RNF128: variants seen among roughly 807,000 people sequenced by gnomAD.
RNF128 encodes ring finger protein 128, also known as E3 ubiquitin-protein ligase RNF128.
A neutral mutation model predicts 26.2 loss-of-function variants in RNF128; 13 were observed. That is an observed-to-expected ratio of 0.50 (90% CI 0.32 to 0.79). The LOEUF (loss-of-function observed/expected upper bound fraction) is 0.79, where lower values mean the gene tolerates loss of function less well. Ranked by LOEUF, RNF128 falls within the 30% of genes least tolerant of loss-of-function variation. The pLI, the probability that RNF128 is intolerant of heterozygous loss-of-function variation, is 0.03. For synonymous variants in RNF128, 149 were observed against 142.5 expected, an observed-to-expected ratio of 1.05 and a Z score of -0.32; for missense variants, 315 against 349.7, an observed-to-expected ratio of 0.90 and a Z score of 0.79.
At chrX:106,768,245 G>A (rs1042318898) in intron 1 of RNF128, among the ~76,000 whole-genome samples, 2 of 111,896 alleles carry the variant, frequency 1.8e-5, no homozygotes, top group Non-Finnish European at 3.8e-5. Context: ...GAGTTAGGAA[G>A]GATTCCCTCT....
chrX:106,791,306 G>T, intron 6 of RNF128, 72 bp downstream of exon 6: 1 of 988,999 alleles, frequency 1.0e-6, no homozygotes, highest in Non-Finnish European at 1.4e-6. Flanking sequence ...TAGTACTCTT[G>T]CTTTTTAGCG....
intron 1 of RNF128, among the ~76,000 whole-genome samples, chrX:106,713,337 C>A (rs1929162450): frequency 9.2e-6 from 1 of 108,813 alleles, no homozygotes; most frequent in South Asian, 3.9e-4. Context: ...GGCGAAACCC[C>A]GTCTCTACTA....
chrX:106,781,525 T>TG (rs1333898885), intron 2 of RNF128, among the ~76,000 whole-genome samples: 1 of 111,328 alleles, frequency 9.0e-6, no homozygotes, highest in Non-Finnish European at 1.9e-5. Context: ...TTGGAACTCT[T>TG]GCTATCAGTG....
At chrX:106,767,434 T>C (rs747859158) in intron 1 of RNF128, among the ~76,000 whole-genome samples, 6 of 111,631 alleles carry the variant, frequency 5.4e-5, no homozygotes, top group Admixed American at 1.9e-4. Context: ...CTTCACATCC[T>C]TTTTAAGTTA....
chrX:106,723,099 C>T (rs1033893432), upstream of RNF128, among the ~76,000 whole-genome samples: 3 of 111,627 alleles, frequency 2.7e-5, no homozygotes, highest in African/African-American at 9.8e-5. Flanking sequence ...TATAAATTCA[C>T]AATTTTAAAC....
At chrX:106,741,254 A>G (rs1929697308) in intron 1 of RNF128, among the ~76,000 whole-genome samples, 1 of 111,664 alleles carries the variant, frequency 9.0e-6, no homozygotes, top group Non-Finnish European at 1.9e-5. Context: ...TAGAGACTCA[A>G]CCTGTTCTGG....
chrX:106,750,550 AATCCAGTGCAT>A, intron 1 of RNF128, among the ~76,000 whole-genome samples: 1 of 111,631 alleles, frequency 9.0e-6, no homozygotes, highest in Non-Finnish European at 1.9e-5. Context: ...CAACCTCAGA[AATCCAGTGCAT>A]AGCCAGGATT....
chrX:106,791,205 C>A lies in RNF128; in HGVS notation c.1124C>A (p.Pro375Gln), dbSNP rs61760879. ...GYASVQGTDE[P>Q]PLEEHVQSTN... ...GCTTCAGTACAGGGAACAGATGAACCGCCTCTGGAGGAACACGTGCAGTCA... is the reference window on the plus strand; with the variant it reads ...GCTTCAGTACAGGGAACAGATGAACAGCCTCTGGAGGAACACGTGCAGTCA... Residue 375 changes from proline to glutamine, a missense_variant, in exon 6 of 7, where the codon CCG (proline) becomes CAG (glutamine). Coordinates refer to ENST00000255499, the MANE Select transcript of RNF128 (RefSeq NM_194463.2). 9.9e-6 allele frequency: 12 copies of A among 1,206,629 alleles called. No individual in the cohort carries two copies. In the African/African-American group the frequency reaches 1.8e-4, roughly 18 times the overall value.
chrX:106,753,254 C>G (rs914626456), intron 1 of RNF128, among the ~76,000 whole-genome samples: 1 of 111,262 alleles, frequency 9.0e-6, no homozygotes, highest in Non-Finnish European at 1.9e-5. Flanking sequence ...GTTTTGAAGA[C>G]ATAGACAGTA....
At chrX:106,788,649 T>C (rs1930736354) in intron 4 of RNF128, among the ~76,000 whole-genome samples, 1 of 65,425 alleles carries the variant, frequency 1.5e-5, no homozygotes, top group Non-Finnish European at 2.5e-5. Flanking sequence ...GTATATAATA[T>C]ATAATTATAT....
chrX:106,736,590 A>G (rs974395488), intron 1 of RNF128, among the ~76,000 whole-genome samples: 7 of 111,342 alleles, frequency 6.3e-5, no homozygotes, highest in Non-Finnish European at 1.9e-5. Flanking sequence ...GGTGTCCATA[A>G]CTTACTCCCA....
At chrX:106,751,873 C>G (rs960159997) in intron 1 of RNF128, among the ~76,000 whole-genome samples, 2 of 110,213 alleles carry the variant, frequency 1.8e-5, no homozygotes, top group Non-Finnish European at 3.8e-5. Context: ...TTATTAGTAG[C>G]TAAGCAGTAC....
chrX:106,706,794 CAT>C (rs1334319144), intron 1 of RNF128, among the ~76,000 whole-genome samples: 4 of 112,229 alleles, frequency 3.6e-5, no homozygotes, highest in Non-Finnish European at 7.5e-5. Flanking sequence ...GATTAAATTA[CAT>C]AATGCATATA....
intron 1 of RNF128, among the ~76,000 whole-genome samples, chrX:106,756,430 C>CT (rs2147684525): frequency 9.1e-6 from 1 of 109,333 alleles, no homozygotes; most frequent in South Asian, 3.8e-4. Context: ...AGAAATAATG[C>CT]TGCATACCTA....
Position 106,788,003 on chromosome X carries a change from A to G in RNF128, c.887+3A>G. The stretch of plus-strand genomic sequence containing the variant: ...TTGGTACGCATCTTAACGTGCAAGT[A>G]AGTTTGATTTTCTTCTATATCTTCA... On this transcript the variant is annotated splice_donor_region_variant and intron_variant, in intron 4 of 6. Coordinates refer to ENST00000255499, the MANE Select transcript of RNF128 (RefSeq NM_194463.2). 9.0e-7 allele frequency: 1 copy of G among 1,111,095 alleles called. No individual in the cohort carries two copies. Among genetic ancestry groups the G allele is most frequent in the Non-Finnish European group, 1.2e-6 (1 of 832,302 alleles). The allele number at this position is 1,111,095 out of a possible 1,213,427, so 91.6% of individuals were successfully genotyped here.
At chrX:106,719,034 A>T (rs1214348336) in intron 1 of RNF128, among the ~76,000 whole-genome samples, 1 of 112,397 alleles carries the variant, frequency 8.9e-6, no homozygotes, top group Non-Finnish European at 1.9e-5. Context: ...GCCCACACTC[A>T]TGAAGGCTTT....
At chrX:106,698,915 G>A (rs958479817) in intron 1 of RNF128, among the ~76,000 whole-genome samples, 2 of 110,704 alleles carry the variant, frequency 1.8e-5, no homozygotes, top group Non-Finnish European at 3.8e-5. Flanking sequence ...CTTGCCACAC[G>A]GGACTCCTTT....
intron 4 of RNF128, among the ~76,000 whole-genome samples, chrX:106,788,823 T>A: frequency 1.4e-5 from 1 of 74,030 alleles, no homozygotes; most frequent in Non-Finnish European, 2.3e-5. Flanking sequence ...CTATAATATA[T>A]AATTATATAT....
chrX:106,749,047 A>G (rs1195266746), intron 1 of RNF128, among the ~76,000 whole-genome samples: 1 of 111,889 alleles, frequency 8.9e-6, no homozygotes, highest in Non-Finnish European at 1.9e-5. Flanking sequence ...TTTTTTTCTC[A>G]GGCAAAAGAT....
Sources: gnomAD v4.1 joint callset for allele counts (sites outside exome capture counted in the v4.1 genomes callset) on GRCh38, gnomAD v4.1.1 for gene constraint, MANE v1.5 for transcripts, NCBI Gene and HGNC (gene_info 2026-07-23, HGNC 2026-07-21) for gene names.